Variants in PACRG observed in about 807,000 individuals in gnomAD.
PACRG encodes the protein parkin coregulated.
In PACRG, 29 loss-of-function variants were observed where a neutral mutation model predicts 29.7. The observed-to-expected ratio is 0.98, with a 90% CI of 0.73 to 1.33. The LOEUF is 1.33. PACRG is among the 40% of genes most tolerant of loss of function. The pLI, the probability that PACRG is intolerant of heterozygous loss-of-function variation, is 0.00. For missense variants in PACRG, 279 were observed against 316.2 expected (o/e 0.88, Z 0.89); for synonymous variants, 116 against 118.7 (o/e 0.98, Z 0.15).
chr6:162,913,122 A>G (rs750360365), intron 2 of PACRG, among the ~76,000 whole-genome samples: 2 of 152,218 alleles, frequency 1.3e-5, no homozygotes, highest in African/African-American at 2.4e-5. Context: ...ACTTCACTGA[A>G]GTATAAATGA....
intron 4 of PACRG, among the ~76,000 whole-genome samples, chr6:163,208,585 C>G (rs1374318197): frequency 1.3e-5 from 2 of 152,118 alleles, no homozygotes; most frequent in Non-Finnish European, 2.9e-5. Context: ...GCTAAGCACA[C>G]GTTTGGATTT....
chr6:163,259,162 T>G (rs1783226239), intron 4 of PACRG, among the ~76,000 whole-genome samples: 1 of 152,180 alleles, frequency 6.6e-6, no homozygotes, highest in Non-Finnish European at 1.5e-5. Context: ...GAACTTGAAC[T>G]CAGGAGTCCT....
chr6:163,300,960 A>AC (rs1207842276), intron 4 of PACRG, among the ~76,000 whole-genome samples: 1 of 134,116 alleles, frequency 7.5e-6, no homozygotes, highest in Non-Finnish European at 1.7e-5. Context: ...TAGTAGGGCC[A>AC]CGTCCGCTGC....
At chr6:163,128,023 C>T (rs1456778278) in intron 4 of PACRG, among the ~76,000 whole-genome samples, 1 of 152,150 alleles carries the variant, frequency 6.6e-6, no homozygotes. Context: ...TTTCAAACAG[C>T]TTCAAAATTT....
In PACRG at chr6:162,974,176, A is replaced by G. The variant is rs956302289; in HGVS notation, c.292-87974A>G. Among the ~76,000 whole-genome samples the G allele has an allele frequency of 3.9e-4, 60 of 152,204 alleles. 3 individuals carry two copies. The highest frequency in any genetic ancestry group is 2.9e-5 in the Non-Finnish European group (2 of 68,036). ...CTCGCTCAAGTATTTCAGTTTCAAC[A>G]CAGCTGTCCTTTCTCATTGCAGATG... On this transcript the variant is annotated intron_variant, in intron 2 of 4. Coordinates refer to ENST00000366888, the MANE Select transcript of PACRG (RefSeq NM_001080379.2).
intron 2 of PACRG, among the ~76,000 whole-genome samples, chr6:163,026,414 G>A (rs1289011650): frequency 3.3e-5 from 5 of 152,140 alleles, no homozygotes; most frequent in Admixed American, 3.3e-4. Flanking sequence ...TTATTAAATT[G>A]CTTTGGTAGA....
rs1368107298 is a variant in PACRG, at chr6:163,314,811, T to A, written c.614-16T>A. ...CAGAGAAGTAACTGGCCTCTTTGTG[T>A]GTTTGCATGCACCAGTGAACTCCGG... On this transcript the variant is annotated splice_polypyrimidine_tract_variant and intron_variant, in intron 4 of 4. Coordinates refer to ENST00000366888, the MANE Select transcript of PACRG (RefSeq NM_001080379.2). 1 of 1,611,818 alleles carries A rather than the reference T, an allele frequency of 6.2e-7. No homozygotes were observed. The highest frequency in any genetic ancestry group is 1.7e-5 in the Admixed American group (1 of 59,600).
At chr6:163,047,984 A>G (rs2128244104) in intron 2 of PACRG, among the ~76,000 whole-genome samples, 1 of 152,232 alleles carries the variant, frequency 6.6e-6, no homozygotes, top group Middle Eastern at 3.4e-3. Context: ...TTTAAAAAAT[A>G]TTTTCAAAGT....
At chr6:163,196,868 A>G (rs1780473295) in intron 4 of PACRG, among the ~76,000 whole-genome samples, 1 of 151,766 alleles carries the variant, frequency 6.6e-6, no homozygotes, top group Non-Finnish European at 1.5e-5. Flanking sequence ...TAGACAGACA[A>G]ATAGACAGGT....
At chr6:163,009,201 TTTACACC>T (rs1180713942) in intron 2 of PACRG, among the ~76,000 whole-genome samples, 1 of 152,220 alleles carries the variant, frequency 6.6e-6, no homozygotes, top group African/African-American at 2.4e-5. Context: ...GACTTAATTC[TTTACACC>T]TTATTGAGGC....
chr6:163,255,406 C>T (rs1783067100), intron 4 of PACRG, among the ~76,000 whole-genome samples: 1 of 152,102 alleles, frequency 6.6e-6, no homozygotes, highest in South Asian at 2.1e-4. Flanking sequence ...GGGCAGCAGC[C>T]ACTCAGGTGT....
intron 2 of PACRG, among the ~76,000 whole-genome samples, chr6:162,871,433 A>C (rs557136241): frequency 1.3e-5 from 2 of 152,244 alleles, no homozygotes; most frequent in Admixed American, 6.5e-5. Context: ...GTTTAGCACT[A>C]TACAAACTAT....
chr6:162,959,647 T>C (rs1029634427), intron 2 of PACRG, among the ~76,000 whole-genome samples: 16 of 152,114 alleles, frequency 1.1e-4, no homozygotes, highest in African/African-American at 3.9e-4. Flanking sequence ...GAAGGATCCC[T>C]TGGGCTCCTG....
chr6:162,896,536 C>A (rs191181018), intron 2 of PACRG, among the ~76,000 whole-genome samples: 1 of 152,240 alleles, frequency 6.6e-6, no homozygotes, highest in Admixed American at 6.5e-5. Context: ...GTGGTAAAAT[C>A]TTGGATGTGT....
intron 2 of PACRG, among the ~76,000 whole-genome samples, chr6:162,870,096 C>A (rs1584600578): frequency 6.6e-6 from 1 of 152,180 alleles, no homozygotes; most frequent in African/African-American, 2.4e-5. Context: ...TTCCTGGGAG[C>A]CCCTCCTGGG....
chr6:162,998,836 C>A (rs1171957666), intron 2 of PACRG, among the ~76,000 whole-genome samples: 5 of 152,140 alleles, frequency 3.3e-5, no homozygotes, highest in Non-Finnish European at 7.3e-5. Context: ...CATGTGAAGT[C>A]AATTAGGGAA....
At chr6:162,747,151 C>A (rs141695194) in intron 1 of PACRG, among the ~76,000 whole-genome samples, 1 of 150,910 alleles carries the variant, frequency 6.6e-6, no homozygotes, top group Non-Finnish European at 1.5e-5. Context: ...CTGAGTGGCA[C>A]GGGTTAATCA....
chr6:163,264,518 TCGTTCAAGGGCGACAGAG>T (rs1783454099), intron 4 of PACRG, among the ~76,000 whole-genome samples: 1 of 152,132 alleles, frequency 6.6e-6, no homozygotes, highest in African/African-American at 2.4e-5. Flanking sequence ...CCAGCCGAAG[TCGTTCAAGGGCGACAGAG>T]CGGTCACAGG....
intron 1 of PACRG, among the ~76,000 whole-genome samples, chr6:162,782,840 A>G (rs929155716): frequency 2.6e-5 from 4 of 151,906 alleles, no homozygotes; most frequent in Non-Finnish European, 5.9e-5. Flanking sequence ...TATTTTAAAT[A>G]TTAACTTTAA....
Sources: gnomAD v4.1 joint callset for allele counts (sites outside exome capture counted in the v4.1 genomes callset) on GRCh38, gnomAD v4.1.1 for gene constraint, MANE v1.5 for transcripts, NCBI Gene and HGNC (gene_info 2026-07-23, HGNC 2026-07-21) for gene names.